Variants in TNRC18 observed in about 807,000 individuals in gnomAD.
The protein encoded by TNRC18 is trinucleotide repeat containing 18.
In TNRC18, 69 loss-of-function variants were observed where a neutral mutation model predicts 226.7. That is an observed-to-expected ratio of 0.30 (90% CI 0.25 to 0.37). The LOEUF (loss-of-function observed/expected upper bound fraction) is 0.37. TNRC18 is among the 10% of genes least tolerant of loss of function. The pLI, the probability that TNRC18 is intolerant of heterozygous loss-of-function variation, is 1.00. For missense variants in TNRC18, 4,754 were observed against 4,256.6 expected, an observed-to-expected ratio of 1.12 and a Z score of -3.25; for synonymous variants, 2,449 against 1,927.6, an observed-to-expected ratio of 1.27 and a Z score of -7.09.
rs1180926103 is a variant in TNRC18, at chr7:5,371,025, G to A, written c.3569C>T (p.Pro1190Leu). Residue 1190 changes from proline (P) to leucine (L), a missense_variant, in exon 11 of 30, where the codon CCC (proline) becomes CTC (leucine). Pro to Leu is a moderately conservative substitution (Grantham distance 98). Coordinates refer to ENST00000430969, the MANE Select transcript of TNRC18 (RefSeq NM_001080495.3). Reference protein sequence around the residue: ...PLPAAEAMATPSPAGGCGGGL... With the variant: ...PLPAAEAMATLSPAGGCGGGL... ...ACCTCCACAACCCCCTGCAGGGCTGGGGGTAGCCATGGCTTCCGCGGCGGG... is the reference window on the plus strand; with the variant it reads ...ACCTCCACAACCCCCTGCAGGGCTGAGGGTAGCCATGGCTTCCGCGGCGGG... 2 of 1,609,290 alleles carry A rather than the reference G, an allele frequency of 1.2e-6. No homozygotes were observed. The highest frequency in any genetic ancestry group is 1.3e-5 in the African/African-American group (1 of 74,932).
chr7:5,328,596 C>T (rs7793019), intron 19 of TNRC18, among the ~76,000 whole-genome samples: 5,766 of 151,868 alleles, frequency 0.038, 349 homozygotes, highest in African/African-American at 0.13. Context: ...GCAACCTCCG[C>T]CTCCTGGGTT....
At chr7:5,356,803 AGC>A in intron 16 of TNRC18, 111 bp downstream of exon 16, 2 of 1,366,488 alleles carry the variant, frequency 1.5e-6, no homozygotes, top group Non-Finnish European at 1.9e-6. Context: ...CCAGAGAGAG[AGC>A]GAGAGCGAGA....
At chr7:5,342,021 T>C (rs1790735249) in intron 18 of TNRC18, among the ~76,000 whole-genome samples, 1 of 152,202 alleles carries the variant, frequency 6.6e-6, no homozygotes, top group Non-Finnish European at 1.5e-5. Flanking sequence ...AGGAGTAATT[T>C]TGAATTTCAA....
At chr7:5,375,740 T>C (rs1009439620) in intron 9 of TNRC18, among the ~76,000 whole-genome samples, 2 of 152,112 alleles carry the variant, frequency 1.3e-5, no homozygotes, top group African/African-American at 2.4e-5. Flanking sequence ...CCAATCACCC[T>C]TCCCCAGTCC....
In TNRC18 at chr7:5,307,808, T is replaced by G; in HGVS notation, c.*298A>C. ...AGCCTGGAGGGCCGGCCTGGCCAAG[T>G]GCTTGCAACGTGCTGGGCAGGAAGG... On this transcript the variant is annotated 3_prime_UTR_variant, in exon 30 of 30. Transcript: ENST00000430969. 2.2e-6 allele frequency: 1 copy of G among 458,150 alleles called. No homozygotes were observed. The highest frequency in any genetic ancestry group is 4.1e-6 in the Non-Finnish European group (1 of 246,492). 28.4% of individuals were successfully genotyped at this position (458,150 alleles called of 1,614,324 possible).
intron 24 of TNRC18, among the ~76,000 whole-genome samples, chr7:5,318,180 G>A (rs1438478803): frequency 6.6e-6 from 1 of 151,996 alleles, no homozygotes; most frequent in Non-Finnish European, 1.5e-5. Context: ...CCCAAGCCTG[G>A]CTAATTTTTG....
intron 19 of TNRC18, among the ~76,000 whole-genome samples, chr7:5,331,700 C>T (rs138579793): frequency 3.3e-5 from 5 of 152,082 alleles, no homozygotes; most frequent in African/African-American, 2.4e-5. Flanking sequence ...GGCAGGAGAA[C>T]AGAGTTTGAG....
At chr7:5,370,308 G>C (rs1244444493) in intron 11 of TNRC18, 67 bp downstream of exon 11, 7 of 1,482,218 alleles carry the variant, frequency 4.7e-6, no homozygotes, top group South Asian at 4.0e-5. Context: ...GGGCAACACA[G>C]CAAGACCCCA....
In TNRC18 at chr7:5,332,813, GC is replaced by G; in HGVS notation, c.5955del (p.Glu1987ArgfsTer46). ...RGPKEPGFEA[G>X]PEASDDDLWT... is the part of the protein sequence containing the mutation. ...CACAGGTCGTCGTCGCTGGCCTCGG[GC>G]CCCGCCTCGAAGCCAGGCTCCTTGG... On this transcript the variant is annotated frameshift_variant, in exon 19 of 30. Transcript: ENST00000430969. LOFTEE classifies it high-confidence loss of function. 6.6e-7 allele frequency: 1 copy of G among 1,508,860 alleles called. No individual in the cohort carries two copies. The highest frequency in any genetic ancestry group is 8.8e-7 in the Non-Finnish European group (1 of 1,137,206). The allele number at this position is 1,508,860 out of a possible 1,614,324, so 93.5% of individuals were successfully genotyped here.
rs191920822 is a variant in TNRC18 at position 5,373,586 on chromosome 7, C to A, written c.3229+469G>T. ...CACACGCTCACACACCTGATACCCC[C>A]CAGGGAGGAAGAACACAGTCCCAGC... is the stretch of plus-strand genomic sequence containing the variant. On this transcript the variant is annotated intron_variant, in intron 10 of 29. Coordinates refer to ENST00000430969, the MANE Select transcript of TNRC18 (RefSeq NM_001080495.3). Among the ~76,000 whole-genome samples the A allele has an allele frequency of 2.6e-3, 403 of 152,314 alleles. 14 individuals are homozygous for A. The highest frequency in any genetic ancestry group is 0.024 in the Admixed American group (365 of 15,290).
chr7:5,404,690 C>G (rs535428715), intron 2 of TNRC18, among the ~76,000 whole-genome samples: 6 of 151,984 alleles, frequency 3.9e-5, no homozygotes, highest in African/African-American at 1.5e-4. Flanking sequence ...CTGGGATGCT[C>G]GCTGCAGCCA....
intron 3 of TNRC18, among the ~76,000 whole-genome samples, 156 bp from the exon 4 acceptor site, chr7:5,390,784 G>T (rs1054020483): frequency 2.6e-5 from 4 of 152,146 alleles, no homozygotes. Context: ...GCATTCTCCT[G>T]CTCCCCAACC....
At chr7:5,359,012 C>A (rs1238911734) in intron 15 of TNRC18, among the ~76,000 whole-genome samples, 1 of 152,200 alleles carries the variant, frequency 6.6e-6, no homozygotes, top group Non-Finnish European at 1.5e-5. Context: ...GCACCAAGCC[C>A]TTGTTTCTTA....
chr7:5,373,653 C>T lies in TNRC18; in HGVS notation c.3229+402G>A, dbSNP rs540170132. Among the ~76,000 whole-genome samples the T allele has an allele frequency of 1.4e-4, 22 of 152,262 alleles. No homozygotes were observed. In the South Asian group the frequency reaches 2.1e-3, roughly 14 times the overall value. ...TGCAGGTCCCCTCTGATGCAGAAGA[C>T]GGCAAGAGCGGGTGTGTGCATGGGA... On this transcript the variant is annotated intron_variant, in intron 10 of 29. Coordinates refer to ENST00000430969, the MANE Select transcript of TNRC18 (RefSeq NM_001080495.3).
chr7:5,317,973 G>A (rs992393961), intron 24 of TNRC18, among the ~76,000 whole-genome samples: 2 of 152,104 alleles, frequency 1.3e-5, no homozygotes, highest in East Asian at 1.9e-4. Context: ...GGGTTCAGGT[G>A]ATTCTTTCCT....
At chr7:5,334,889 C>T (rs969453516) in intron 18 of TNRC18, among the ~76,000 whole-genome samples, 1 of 152,072 alleles carries the variant, frequency 6.6e-6, no homozygotes, top group East Asian at 1.9e-4. Context: ...GCACTAGACA[C>T]GGTCTTCTTG....
chr7:5,313,404 T>C lies in TNRC18; in HGVS notation c.7487A>G (p.Lys2496Arg), dbSNP rs577533294. Residue 2496 changes from lysine to arginine, a missense_variant, in exon 27 of 30, where the codon AAG becomes AGG. Transcript: ENST00000430969. The part of the protein sequence containing the change: ...DPGAGGWQEP[K>R]SLLSLGSYPP... The stretch of plus-strand genomic sequence containing the variant: ...ATAGCTGCCCAGGCTCAGGAGGCTC[T>C]TGGGCTCCTGCCAGCCCCCCGCCCC... 411 of 1,596,442 alleles carry C rather than the reference T, an allele frequency of 2.6e-4. 1 individual carries two copies. The South Asian group carries it at 3.0e-3, about 12-fold the overall frequency.
At chr7:5,365,754 G>A (rs1471351691) in intron 11 of TNRC18, among the ~76,000 whole-genome samples, 1 of 151,948 alleles carries the variant, frequency 6.6e-6, no homozygotes, top group East Asian at 1.9e-4. Flanking sequence ...ATGCCCGGCT[G>A]ACATTTTCTT....
At position 5,376,211 on chromosome 7, in the gene TNRC18, C is replaced by A. The variant is rs780850262; in HGVS notation, c.2622G>T (p.Glu874Asp). ...DHLPHFAELM[E>D]RATVPPLWPA... ...GCCAGAGGGGCGGTACGGTGGCCCGCTCCATCAGCTCCGCTGCAGGGACAG... is the reference window on the plus strand; with the variant it reads ...GCCAGAGGGGCGGTACGGTGGCCCGATCCATCAGCTCCGCTGCAGGGACAG... Residue 874 changes from glutamate (E) to aspartate (D), a missense_variant, in exon 9 of 30, where the codon GAG becomes GAT. Transcript: ENST00000430969. 6.7e-7 allele frequency: 1 copy of A among 1,502,796 alleles called. No homozygotes were observed. Among genetic ancestry groups the A allele is most frequent in the South Asian group, 1.3e-5 (1 of 75,874 alleles). The allele number at this position is 1,502,796 out of a possible 1,614,324, so 93.1% of individuals were successfully genotyped here.
Sources: gnomAD v4.1 joint callset for allele counts (sites outside exome capture counted in the v4.1 genomes callset) on GRCh38, gnomAD v4.1.1 for gene constraint, MANE v1.5 for transcripts, NCBI Gene and HGNC (gene_info 2026-07-23, HGNC 2026-07-21) for gene names.